Variants in TNS3 observed in about 807,000 individuals in gnomAD.
TNS3 encodes the protein tensin-3.
TNS3 carries 45 observed loss-of-function variants against 140.9 expected under a neutral mutation model. That is an observed-to-expected ratio of 0.32 (90% confidence interval 0.25 to 0.41). The LOEUF is 0.41. Among genes scored for constraint, TNS3 ranks in the 10% least tolerant of loss-of-function variants. The pLI, the probability that TNS3 is intolerant of heterozygous loss-of-function variation, is 1.00. For synonymous variants in TNS3, 815 were observed against 788.4 expected, an observed-to-expected ratio of 1.03 and a Z score of -0.56; for missense variants, 1,716 against 1,906.7, an observed-to-expected ratio of 0.90 and a Z score of 1.86.
chr7:47,350,142 C>T (rs776187341), intron 17 of TNS3, among the ~76,000 whole-genome samples: 9 of 152,182 alleles, frequency 5.9e-5, no homozygotes, highest in East Asian at 1.9e-4. Context: ...AAAGCCTACA[C>T]GGGGCAGACA....
intron 4 of TNS3, among the ~76,000 whole-genome samples, chr7:47,450,037 A>C (rs1189632946): frequency 2.0e-5 from 3 of 152,232 alleles, no homozygotes; most frequent in African/African-American, 7.2e-5. Context: ...AGGTATCTCT[A>C]GCCTCTGGGG....
intron 10 of TNS3, among the ~76,000 whole-genome samples, chr7:47,420,315 A>G (rs1794306849): frequency 6.6e-6 from 1 of 152,190 alleles, no homozygotes; most frequent in Admixed American, 6.5e-5. Flanking sequence ...TGCCTCTCTG[A>G]AAGTGATACA....
intron 4 of TNS3, among the ~76,000 whole-genome samples, chr7:47,445,586 A>G (rs1265092939): frequency 1.3e-5 from 2 of 152,180 alleles, no homozygotes; most frequent in Non-Finnish European, 2.9e-5. Context: ...GCCCCGTGCC[A>G]AAAAGGGCAG....
At chr7:47,296,884 T>C (rs997167378) in intron 24 of TNS3, among the ~76,000 whole-genome samples, 198 bp downstream of exon 24, 2 of 152,190 alleles carry the variant, frequency 1.3e-5, no homozygotes, top group African/African-American at 4.8e-5. Context: ...TTCAAAACAA[T>C]AGAAAATAAA....
At chr7:47,569,280 C>T (rs969772413) in intron 1 of TNS3, among the ~76,000 whole-genome samples, 3 of 152,218 alleles carry the variant, frequency 2.0e-5, no homozygotes, top group African/African-American at 4.8e-5. Flanking sequence ...CAGTGGCTCA[C>T]GCCTGTAATC....
chr7:47,462,692 G>A (rs917922202), intron 4 of TNS3, among the ~76,000 whole-genome samples: 1 of 152,126 alleles, frequency 6.6e-6, no homozygotes, highest in Non-Finnish European at 1.5e-5. Flanking sequence ...TGCAGCAAGG[G>A]GAGTGCTAGG....
chr7:47,293,219 A>G (rs1218113234), intron 25 of TNS3, among the ~76,000 whole-genome samples: 4 of 152,238 alleles, frequency 2.6e-5, no homozygotes, highest in Non-Finnish European at 5.9e-5. Flanking sequence ...GCCAACTCCA[A>G]CTTCAACCAT....
intron 17 of TNS3, among the ~76,000 whole-genome samples, chr7:47,364,373 C>T (rs1790572583): frequency 6.6e-6 from 1 of 150,522 alleles, no homozygotes; most frequent in South Asian, 2.1e-4. Context: ...ATCTCTGCCT[C>T]CTGGGTTCAA....
At chr7:47,377,143 G>T (rs1157170933) in intron 16 of TNS3, among the ~76,000 whole-genome samples, 1 of 152,196 alleles carries the variant, frequency 6.6e-6, no homozygotes, top group Non-Finnish European at 1.5e-5. Context: ...CCGTCCAGCT[G>T]AATCAATTCA....
At chr7:47,452,946 G>T in intron 4 of TNS3, 1 of 985,430 alleles carries the variant, frequency 1.0e-6, no homozygotes, top group Non-Finnish European at 1.2e-6. Context: ...GCTGGGCCTG[G>T]GCAGGGACCA....
intron 4 of TNS3, among the ~76,000 whole-genome samples, chr7:47,450,656 G>T (rs553619088): frequency 6.6e-6 from 1 of 152,320 alleles, no homozygotes; most frequent in South Asian, 2.1e-4. Flanking sequence ...CAGAAAGCAG[G>T]TCTCCACTAT....
At chr7:47,359,426 G>C (rs1238545559) in intron 17 of TNS3, among the ~76,000 whole-genome samples, 1 of 152,130 alleles carries the variant, frequency 6.6e-6, no homozygotes, top group African/African-American at 2.4e-5. Flanking sequence ...GGGGGTATAA[G>C]GTTTCCCTTT....
chr7:47,531,339 G>A (rs1007465560), intron 1 of TNS3, among the ~76,000 whole-genome samples: 1 of 152,022 alleles, frequency 6.6e-6, no homozygotes, highest in African/African-American at 2.4e-5. Flanking sequence ...AATAAAAATA[G>A]CTCTTCAAAA....
intron 20 of TNS3, among the ~76,000 whole-genome samples, chr7:47,327,567 G>C (rs1205662459): frequency 6.6e-6 from 1 of 152,220 alleles, no homozygotes; most frequent in Non-Finnish European, 1.5e-5. Context: ...GGAATGCACT[G>C]TGCTAGGAAG....
chr7:47,518,731 C>A (rs1178160512), intron 2 of TNS3, among the ~76,000 whole-genome samples: 3 of 152,154 alleles, frequency 2.0e-5, no homozygotes, highest in Non-Finnish European at 4.4e-5. Context: ...GGATTCTTAT[C>A]GTATGGGCAT....
chr7:47,430,537 CA>C (rs1245621293), intron 8 of TNS3, among the ~76,000 whole-genome samples: 2 of 152,080 alleles, frequency 1.3e-5, no homozygotes, highest in East Asian at 3.8e-4. Flanking sequence ...GACAGAAAAC[CA>C]GTAAGAAAAC....
chr7:47,483,281 T>C (rs569630072), intron 3 of TNS3, among the ~76,000 whole-genome samples: 15 of 152,032 alleles, frequency 9.9e-5, no homozygotes, highest in African/African-American at 3.6e-4. Context: ...GCCATTCTCC[T>C]GCCTCAGCCT....
chr7:47,435,336 C>A lies in TNS3; in HGVS notation c.270G>T (p.Ala90=), dbSNP rs61738736. ...PLDKMCTICK[A]QESWLNSNLQ... ...GGTTGCTGTTCAGCCAGGACTCCTG[C>A]GCCTTGCATATGGTACACATCTTAT... Residue 90 remains alanine (A), a synonymous_variant, in exon 8 of 31, where the codon GCG becomes GCT. Transcript: ENST00000311160. The A allele has an allele frequency of 1.2e-6, 2 of 1,614,126 alleles. No homozygotes were observed. Among genetic ancestry groups the A allele is most frequent in the South Asian group, 1.1e-5 (1 of 91,080 alleles).
At chr7:47,336,944 AC>A (rs796740068) in intron 20 of TNS3, among the ~76,000 whole-genome samples, 13 of 152,260 alleles carry the variant, frequency 8.5e-5, no homozygotes, top group African/African-American at 2.9e-4. Flanking sequence ...CTAGGCCTCA[AC>A]ATTGGCCTTC....
Sources: gnomAD v4.1 joint callset for allele counts (sites outside exome capture counted in the v4.1 genomes callset) on GRCh38, gnomAD v4.1.1 for gene constraint, MANE v1.5 for transcripts, NCBI Gene and HGNC (gene_info 2026-07-23, HGNC 2026-07-21) for gene names.